Variants in SLC25A20 observed in about 807,000 individuals in gnomAD.
SLC25A20 encodes the protein mitochondrial carnitine/acylcarnitine carrier protein.
SLC25A20 carries 29 observed loss-of-function variants against 39.7 expected under a neutral mutation model. The ratio of observed to expected loss-of-function variants is 0.73; its 90% confidence interval spans 0.54 to 1.00. The LOEUF is 1.00. SLC25A20 is among the 50% of genes least tolerant of loss of function. The probability of loss-of-function intolerance (pLI) is 0.00; values close to 1 mark genes in which losing one functional copy is unlikely to be tolerated. For missense variants in SLC25A20, 333 were observed against 379.9 expected, an observed-to-expected ratio of 0.88 and a Z score of 1.03; for synonymous variants, 103 against 142.2, an observed-to-expected ratio of 0.72 and a Z score of 1.96.
At chr3:48,881,929 C>A (rs932155496) in intron 3 of SLC25A20, among the ~76,000 whole-genome samples, 2 of 152,192 alleles carry the variant, frequency 1.3e-5, no homozygotes, top group African/African-American at 4.8e-5. Flanking sequence ...TCATAAGGAT[C>A]CCAGAAATAG....
chr3:48,878,388 C>T (rs1459416388), intron 4 of SLC25A20, among the ~76,000 whole-genome samples: 1 of 151,372 alleles, frequency 6.6e-6, no homozygotes, highest in African/African-American at 2.4e-5. Context: ...GACTGAAGTG[C>T]AGTGGCACAA....
At chr3:48,894,787 G>A (rs1285143273) in intron 1 of SLC25A20, among the ~76,000 whole-genome samples, 1 of 152,082 alleles carries the variant, frequency 6.6e-6, no homozygotes, top group African/African-American at 2.4e-5. Context: ...GATATATCCA[G>A]TTACTTCTGC....
At chr3:48,885,137 G>A (rs2083820700) in intron 2 of SLC25A20, among the ~76,000 whole-genome samples, 2 of 152,066 alleles carry the variant, frequency 1.3e-5, no homozygotes, top group Admixed American at 1.3e-4. Context: ...CAGACGTGGT[G>A]GTGTGTGCCT....
At chr3:48,890,914 A>G (rs1342048040) in intron 2 of SLC25A20, among the ~76,000 whole-genome samples, 2 of 151,938 alleles carry the variant, frequency 1.3e-5, no homozygotes, top group Non-Finnish European at 2.9e-5. Flanking sequence ...TCAGCCTCCC[A>G]AAGTGCTGGG....
chr3:48,884,697 T>C (rs963397323), intron 2 of SLC25A20, among the ~76,000 whole-genome samples: 16 of 152,204 alleles, frequency 1.1e-4, no homozygotes, highest in African/African-American at 3.9e-4. Flanking sequence ...AAATATTTTG[T>C]GTGGAAAATT....
chr3:48,868,205 G>T (rs534641765), intron 4 of SLC25A20, among the ~76,000 whole-genome samples: 7 of 151,952 alleles, frequency 4.6e-5, no homozygotes, highest in Non-Finnish European at 7.3e-5. Context: ...CTGAGAAGGT[G>T]GGGGGTTGAG....
At chr3:48,897,346 AATATAT>A (rs34139351) in intron 1 of SLC25A20, among the ~76,000 whole-genome samples, 2 of 121,360 alleles carry the variant, frequency 1.6e-5, no homozygotes, top group African/African-American at 3.3e-5. Context: ...TGTGTGTGTG[AATATAT>A]ATATATATAT....
At chr3:48,860,866 C>T (rs1218325341) in intron 5 of SLC25A20, among the ~76,000 whole-genome samples, 1 of 147,978 alleles carries the variant, frequency 6.8e-6, no homozygotes, top group Non-Finnish European at 1.5e-5. Context: ...CGGAGTCTCG[C>T]TCTCTCGCCC....
rs374181013 is a variant in SLC25A20 at position 48,884,130 on chromosome 3, A to T, written c.199-6T>A. 6.8e-6 allele frequency: 11 copies of T among 1,613,102 alleles called. No homozygotes were observed. The highest frequency in any genetic ancestry group is 8.5e-7 in the Non-Finnish European group (1 of 1,179,368). ...CGATATAGCCCCGTGATGCCCTGCAAGGAATCACAGAAGCAGAAGCTGTTT... is the reference window on the plus strand; with the variant it reads ...CGATATAGCCCCGTGATGCCCTGCATGGAATCACAGAAGCAGAAGCTGTTT... On this transcript the variant is annotated splice_region_variant and splice_polypyrimidine_tract_variant and intron_variant, in intron 2 of 8. Coordinates refer to ENST00000319017, the MANE Select transcript of SLC25A20 (RefSeq NM_000387.6).
chr3:48,884,169 C>T (rs2083815204), intron 2 of SLC25A20, 45 bp from the exon 3 acceptor site: 1 of 1,610,628 alleles, frequency 6.2e-7, no homozygotes, highest in Non-Finnish European at 8.5e-7. Flanking sequence ...GACACCACCA[C>T]CTTTTAAATC....
At chr3:48,862,688 A>T in intron 4 of SLC25A20, 29 bp from the exon 5 acceptor site, 1 of 1,459,210 alleles carries the variant, frequency 6.9e-7, no homozygotes, top group Non-Finnish European at 9.6e-7. Context: ...TCATTAAGTC[A>T]GAAACATCAG....
At chr3:48,863,744 C>T (rs1193543627) in intron 4 of SLC25A20, among the ~76,000 whole-genome samples, 6 of 152,184 alleles carry the variant, frequency 3.9e-5, no homozygotes, top group African/African-American at 1.2e-4. Flanking sequence ...AGGCCGGGCA[C>T]GGTGGCTCAC....
Position 48,861,825 on chromosome 3 carries a change from G to C in SLC25A20, c.535+717C>G, listed in dbSNP as rs1236494061. On this transcript the variant is annotated intron_variant, in intron 5 of 8. Transcript: ENST00000319017. ...GTGCATCACCTGAGGTCAGGAGTTTGAGACCAGCCCGGCCAACATGGTGAA... is the reference window on the plus strand; with the variant it reads ...GTGCATCACCTGAGGTCAGGAGTTTCAGACCAGCCCGGCCAACATGGTGAA... Among the ~76,000 whole-genome samples the C allele has an allele frequency of 8.6e-5, 13 of 152,042 alleles. 1 individual carries two copies. Among genetic ancestry groups the C allele is most frequent in the African/African-American group, 3.1e-4 (13 of 41,402 alleles).
At chr3:48,888,786 T>C (rs755582146) in intron 2 of SLC25A20, among the ~76,000 whole-genome samples, 1 of 151,428 alleles carries the variant, frequency 6.6e-6, no homozygotes, top group East Asian at 2.0e-4. Context: ...AGAGTGTTTA[T>C]ATGAAAGTTA....
chr3:48,880,312 C>T (rs2106654695), intron 3 of SLC25A20, among the ~76,000 whole-genome samples: 1 of 152,072 alleles, frequency 6.6e-6, no homozygotes, highest in Admixed American at 6.6e-5. Flanking sequence ...GAGACACGGT[C>T]TCACTCTGTC....
At chr3:48,898,201 G>T (rs2083923570) in intron 1 of SLC25A20, among the ~76,000 whole-genome samples, 3 of 152,216 alleles carry the variant, frequency 2.0e-5, no homozygotes, top group African/African-American at 7.2e-5. Context: ...AGAGTGTCAA[G>T]TATCTCCCCG....
chr3:48,858,048 ATC>A (rs2083594050), intron 8 of SLC25A20, among the ~76,000 whole-genome samples: 1 of 151,314 alleles, frequency 6.6e-6, no homozygotes, highest in Admixed American at 6.6e-5. Flanking sequence ...GCTCACTGCA[ATC>A]TCTGCCTCCC....
rs1027368854 is a variant in SLC25A20 at position 48,862,797 on chromosome 3, G to A, written c.418-138C>T. 6 of 704,318 alleles carry A rather than the reference G, an allele frequency of 8.5e-6. No individual in the cohort carries two copies. The African/African-American group carries it at 1.0e-4, about 12-fold the overall frequency. 43.6% of individuals were successfully genotyped at this position (704,318 alleles called of 1,614,324 possible). On this transcript the variant is annotated intron_variant, in intron 4 of 8. Transcript: ENST00000319017. ...TCACTGTCAAATTGATAAGTATCTG[G>A]AATGTGTGATCTTGGGGCAGGTACT...
intron 4 of SLC25A20, among the ~76,000 whole-genome samples, chr3:48,865,573 C>T (rs1390755965): frequency 7.5e-6 from 1 of 133,150 alleles, no homozygotes; most frequent in African/African-American, 2.8e-5. Context: ...CCAGCCTGGT[C>T]AACATGGTGA....
Sources: allele counts gnomAD v4.1 joint callset (sites outside exome capture counted in the v4.1 genomes callset), GRCh38; gene constraint gnomAD v4.1.1; transcripts MANE v1.5; gene names NCBI Gene and HGNC (gene_info 2026-07-23, HGNC 2026-07-21).